SORCS2: variants seen among roughly 807,000 people sequenced by gnomAD.
SORCS2 encodes the protein VPS10 domain-containing receptor SorCS2.
SORCS2 carries 100 observed loss-of-function variants against 141.6 expected under a neutral mutation model. The ratio of observed to expected loss-of-function variants is 0.71; its 90% CI spans 0.60 to 0.83. The LOEUF is 0.83. Among genes scored for constraint, SORCS2 ranks in the 40% least tolerant of loss-of-function variants. SORCS2 has a pLI of 0.00. For missense variants in SORCS2, 1,646 were observed against 1,560.2 expected, an observed-to-expected ratio of 1.05 and a Z score of -0.93; for synonymous variants, 789 against 676.9, an observed-to-expected ratio of 1.17 and a Z score of -2.57.
chr4:7,740,409 G>A lies in SORCS2; in HGVS notation c.*145G>A, dbSNP rs912712431. ...CCAGGCGACAGGCACCACCCCCTCTGATAAATCCAAGCCCGCCCAGGCCCA... is the reference window on the plus strand; with the variant it reads ...CCAGGCGACAGGCACCACCCCCTCTAATAAATCCAAGCCCGCCCAGGCCCA... On this transcript the variant is annotated 3_prime_UTR_variant, in exon 27 of 27. Coordinates refer to ENST00000507866, the MANE Select transcript of SORCS2 (RefSeq NM_020777.3). 3 of 732,692 alleles carry A rather than the reference G, an allele frequency of 4.1e-6. No homozygotes were observed. In the African/African-American group the frequency reaches 5.3e-5, roughly 13 times the overall value. The allele number at this position is 732,692 out of a possible 1,614,324, so 45.4% of individuals were successfully genotyped here. A position where few individuals can be genotyped will look rare whatever the true frequency, so the allele number is the denominator to read the frequency against.
intron 2 of SORCS2, among the ~76,000 whole-genome samples, chr4:7,455,961 CAA>C (rs531887148): frequency 2.0e-5 from 3 of 152,286 alleles, no homozygotes; most frequent in Non-Finnish European, 4.4e-5. Flanking sequence ...GGGGCTTAAA[CAA>C]GAGTAATTCC....
intron 2 of SORCS2, among the ~76,000 whole-genome samples, chr4:7,408,817 C>T (rs1725132869): frequency 6.6e-6 from 1 of 151,970 alleles, no homozygotes; most frequent in Non-Finnish European, 1.5e-5. Context: ...TTTTTCTCCT[C>T]TGACTGTATT....
chr4:7,455,061 G>A (rs1474889394), intron 2 of SORCS2, among the ~76,000 whole-genome samples: 5 of 119,118 alleles, frequency 4.2e-5, no homozygotes, highest in Admixed American at 4.1e-4. Flanking sequence ...GTCAGATGCT[G>A]TGTTGGGGTC....
At position 7,704,262 on chromosome 4, in the gene SORCS2, G is replaced by T. The variant is rs1191481639; in HGVS notation, c.1846G>T (p.Gly616Trp). Residue 616 changes from glycine (G) to tryptophan (W), a missense_variant, in exon 14 of 27, where the codon GGG becomes TGG. Transcript: ENST00000507866. Reference sequence around the variant, plus strand: ...TGTGGACGGGCTGCTGAGTGAGCCAGGGGACGAGACGCTGGTCATGACGTG... The same window carrying T: ...TGTGGACGGGCTGCTGAGTGAGCCATGGGACGAGACGCTGGTCATGACGTG... Reference protein sequence around the residue: ...VFVDGLLSEPGDETLVMTVFG... With the variant: ...VFVDGLLSEPWDETLVMTVFG... 6.2e-7 allele frequency: 1 copy of T among 1,612,290 alleles called. No individual in the cohort carries two copies.
intron 2 of SORCS2, among the ~76,000 whole-genome samples, chr4:7,493,896 C>G (rs903450259): frequency 3.3e-5 from 5 of 152,208 alleles, no homozygotes; most frequent in Admixed American, 2.6e-4. Context: ...TCGAAATAAA[C>G]CAGGAAGTAA....
chr4:7,545,271 C>T (rs1458811108), intron 3 of SORCS2, among the ~76,000 whole-genome samples: 2 of 152,030 alleles, frequency 1.3e-5, no homozygotes, highest in African/African-American at 4.8e-5. Context: ...CAGAACTGAA[C>T]CAAAACACCA....
At chr4:7,572,643 CT>C (rs1715480155) in intron 3 of SORCS2, among the ~76,000 whole-genome samples, 1 of 152,172 alleles carries the variant, frequency 6.6e-6, no homozygotes, top group Non-Finnish European at 1.5e-5. Context: ...GGAGGAAGGG[CT>C]TGTTACCATC....
At chr4:7,739,851 C>T (rs1371728224) in intron 26 of SORCS2, among the ~76,000 whole-genome samples, 1 of 152,198 alleles carries the variant, frequency 6.6e-6, no homozygotes, top group Non-Finnish European at 1.5e-5. Context: ...CCTGCAGCGC[C>T]CACTGCCAGG....
chr4:7,269,660 C>T (rs892145643), intron 1 of SORCS2, among the ~76,000 whole-genome samples: 5 of 152,178 alleles, frequency 3.3e-5, no homozygotes, highest in African/African-American at 7.2e-5. Context: ...TGGCTGGGAG[C>T]CGCCAGAAGC....
At chr4:7,719,704 C>T (rs1021227210) in intron 18 of SORCS2, among the ~76,000 whole-genome samples, 11 of 152,316 alleles carry the variant, frequency 7.2e-5, no homozygotes, top group African/African-American at 2.4e-4. Context: ...GACCCCGCTG[C>T]GGCTGCCCGT....
chr4:7,355,427 A>T (rs1412965323), intron 1 of SORCS2, among the ~76,000 whole-genome samples: 1 of 152,180 alleles, frequency 6.6e-6, no homozygotes, highest in Admixed American at 6.5e-5. Context: ...CCCCAAAGTT[A>T]ATGGCTTATG....
At chr4:7,306,756 C>A (rs1393844545) in intron 1 of SORCS2, among the ~76,000 whole-genome samples, 1 of 152,144 alleles carries the variant, frequency 6.6e-6, no homozygotes, top group African/African-American at 2.4e-5. Context: ...GTGCACCGTG[C>A]AGAGTCGCCT....
chr4:7,660,556 G>A (rs1384208580), intron 5 of SORCS2, among the ~76,000 whole-genome samples: 2 of 152,208 alleles, frequency 1.3e-5, no homozygotes, highest in Admixed American at 6.5e-5. Flanking sequence ...GTGGTATTAG[G>A]AGAAGGCCTT....
intron 1 of SORCS2, among the ~76,000 whole-genome samples, chr4:7,338,379 T>TGGAC (rs1421393654): frequency 2.3e-4 from 33 of 146,422 alleles, no homozygotes; most frequent in African/African-American, 8.3e-4. Context: ...GATGGATGGA[T>TGGAC]GTCGGTTGGA....
At chr4:7,235,144 C>A (rs955424336) in intron 1 of SORCS2, among the ~76,000 whole-genome samples, 2 of 152,334 alleles carry the variant, frequency 1.3e-5, no homozygotes, top group East Asian at 3.9e-4. Context: ...GGTGTCCTTG[C>A]CGGTGAATGG....
chr4:7,266,743 G>A (rs898407145), intron 1 of SORCS2, among the ~76,000 whole-genome samples: 13 of 152,178 alleles, frequency 8.5e-5, no homozygotes, highest in Non-Finnish European at 1.2e-4. Context: ...CTATGGGAAC[G>A]CTGCCTCTCA....
chr4:7,737,534 C>A (rs1399878355), intron 26 of SORCS2, among the ~76,000 whole-genome samples: 1 of 152,160 alleles, frequency 6.6e-6, no homozygotes, highest in Non-Finnish European at 1.5e-5. Context: ...GGCCTTTCCC[C>A]CACAGCCGCT....
At chr4:7,554,054 A>C (rs2109644447) in intron 3 of SORCS2, among the ~76,000 whole-genome samples, 1 of 152,356 alleles carries the variant, frequency 6.6e-6, no homozygotes, top group East Asian at 1.9e-4. Flanking sequence ...AGGAAGTGTC[A>C]CAAATCAGAA....
intron 1 of SORCS2, among the ~76,000 whole-genome samples, chr4:7,239,396 GT>G (rs973949679): frequency 2.2e-4 from 34 of 152,352 alleles, no homozygotes; most frequent in African/African-American, 7.0e-4. Flanking sequence ...TGGAGTCCCC[GT>G]GGCCGGGACA....
Sources: allele counts gnomAD v4.1 joint callset (sites outside exome capture counted in the v4.1 genomes callset), GRCh38; gene constraint gnomAD v4.1.1; transcripts MANE v1.5; gene names NCBI Gene and HGNC (gene_info 2026-07-23, HGNC 2026-07-21).